The following COL12A1 variants were observed in gnomAD, a reference collection of about 807,000 sequenced individuals.
COL12A1 encodes the protein collagen type XII alpha 1 chain, also known as collagen alpha-1(XII) chain.
Under a neutral mutation model 349.7 loss-of-function variants are expected in COL12A1, and 114 were observed. The ratio of observed to expected loss-of-function variants is 0.33; its 90% CI spans 0.28 to 0.38. COL12A1 has a LOEUF of 0.38. Ranked by LOEUF, COL12A1 falls within the 10% of genes least tolerant of loss-of-function variation. The probability of loss-of-function intolerance (pLI) is 1.00; values close to 1 mark genes in which losing one functional copy is unlikely to be tolerated. For synonymous variants in COL12A1, 1,369 were observed against 1,329.0 expected (o/e 1.03, Z -0.66); for missense variants, 3,284 against 3,756.9 (o/e 0.87, Z 3.29).
chr6:75,092,827 G>A (rs150698151), intron 60 of COL12A1, among the ~76,000 whole-genome samples: 52 of 151,074 alleles, frequency 3.4e-4, no homozygotes, highest in African/African-American at 1.3e-3. Flanking sequence ...CTTATCATGG[G>A]CTACATGGTC....
Position 75,152,768 on chromosome 6 carries a change from G to C in COL12A1, c.3566-286C>G, listed in dbSNP as rs577566909. On this transcript the variant is annotated intron_variant, in intron 17 of 65. Transcript: ENST00000322507. ...CCTCTTTCATAGAACCTGGAGACTTGAATTAAGCCATTGTTGAAAATTTGA... is the reference window on the plus strand; with the variant it reads ...CCTCTTTCATAGAACCTGGAGACTTCAATTAAGCCATTGTTGAAAATTTGA... Among the ~76,000 whole-genome samples the C allele has an allele frequency of 2.6e-5, 4 of 152,204 alleles. No individual in the cohort carries two copies. In the South Asian group the frequency reaches 8.3e-4, roughly 32 times the overall value.
At chr6:75,192,433 G>A (rs916565082) in intron 3 of COL12A1, 78 bp from the exon 4 acceptor site, 12 of 1,305,166 alleles carry the variant, frequency 9.2e-6, no homozygotes, top group South Asian at 1.4e-5. Context: ...AATTCCCAGA[G>A]GTACTCAAAA....
At chr6:75,148,076 A>G (rs571360155) in intron 22 of COL12A1, among the ~76,000 whole-genome samples, 11 of 152,184 alleles carry the variant, frequency 7.2e-5, no homozygotes, top group African/African-American at 2.7e-4. Context: ...ACAAATTCAT[A>G]AATAAATCAA....
Position 75,145,473 on chromosome 6 carries a change from G to A in COL12A1, c.4561-18C>T, listed in dbSNP as rs748934261. The A allele has an allele frequency of 6.2e-7, 1 of 1,608,240 alleles. No individual in the cohort carries two copies. The highest frequency in any genetic ancestry group is 8.5e-7 in the Non-Finnish European group (1 of 1,176,498). On this transcript the variant is annotated intron_variant, in intron 24 of 65. Transcript: ENST00000322507. ...AAACGCACCTGCACATGGATATGTG[G>A]AGCAGAAATAAGATATTCAAATCAA...
intron 44 of COL12A1, 138 bp downstream of exon 44, chr6:75,121,164 A>C (rs766038162): frequency 1.4e-6 from 1 of 734,030 alleles, no homozygotes; most frequent in Non-Finnish European, 2.0e-6. Context: ...CCTCCCAAAA[A>C]TACATGAATA....
intron 25 of COL12A1, among the ~76,000 whole-genome samples, chr6:75,143,709 A>G (rs188110351): frequency 9.2e-5 from 14 of 152,334 alleles, no homozygotes; most frequent in African/African-American, 3.4e-4. Context: ...TTCATCATAA[A>G]TGTACAGCTC....
In COL12A1 at chr6:75,085,533, C is replaced by T. The variant is rs1767447855; in HGVS notation, c.*1014G>A. On this transcript the variant is annotated 3_prime_UTR_variant, in exon 66 of 66. Transcript: ENST00000322507. ...TATTTCCAGATAATTTGGTGATAAT[C>T]AAATAATGAAATGGCACTTTCTTAA... 1 of 291,666 alleles carries T rather than the reference C, an allele frequency of 3.4e-6. No homozygotes were observed. The highest frequency in any genetic ancestry group is 2.2e-5 in the African/African-American group (1 of 45,216). The allele number at this position is 291,666 out of a possible 1,614,324, so 18.1% of individuals were successfully genotyped here.
rs1290513007 is a variant in COL12A1 at position 75,091,207 on chromosome 6, T to C, written c.8752+116A>G. On this transcript the variant is annotated intron_variant, in intron 62 of 65. Transcript: ENST00000322507. ...ACTGACAATGTATAAGAACAAAAGC[T>C]TATCAAATGAAATGAAAGAGAAATC... 10 of 796,880 alleles carry C rather than the reference T, an allele frequency of 1.3e-5. No homozygotes were observed. The East Asian group carries it at 1.8e-4, about 15-fold the overall frequency. The allele number at this position is 796,880 out of a possible 1,614,324, so 49.4% of individuals were successfully genotyped here.
chr6:75,189,070 C>A (rs901646030), intron 7 of COL12A1, 147 bp downstream of exon 7: 3 of 844,204 alleles, frequency 3.6e-6, no homozygotes, highest in Admixed American at 6.6e-5. Flanking sequence ...TACTTAAAGA[C>A]AATTTAAGTC....
chr6:75,089,261 G>A, intron 63 of COL12A1, 87 bp from the exon 64 acceptor site: 1 of 980,682 alleles, frequency 1.0e-6, no homozygotes, highest in Non-Finnish European at 1.5e-6. Flanking sequence ...TTTGATTCAA[G>A]TAATTCATTT....
In COL12A1 at chr6:75,177,785, G is replaced by T; in HGVS notation, c.2315C>A (p.Pro772His). 6.2e-7 allele frequency: 1 copy of T among 1,613,990 alleles called. No individual in the cohort carries two copies. Among genetic ancestry groups the T allele is most frequent in the Non-Finnish European group, 8.5e-7 (1 of 1,180,004 alleles). ...GGESREVTTP[P>H]NQRRRTLENL... ...CTCCAGTGTTCTCCTCCTCTGATTGGGTGGGGTGGTAACTTCTCTGCTCTC... is the reference window on the plus strand; with the variant it reads ...CTCCAGTGTTCTCCTCCTCTGATTGTGTGGGGTGGTAACTTCTCTGCTCTC... The change falls in exon 12 of 66, where the codon CCC (proline) becomes CAC (histidine). Residue 772 changes from proline (P) to histidine (H), a missense_variant. Physicochemically the swap from Pro to His is moderately conservative, Grantham distance 77. Around this residue, in one of 2 missense-constraint regions of COL12A1, gnomAD observed 2,601 missense variants for 2,824.8 expected, o/e 0.92. Coordinates refer to ENST00000322507, the MANE Select transcript of COL12A1 (RefSeq NM_004370.6).
Position 75,197,349 on chromosome 6 carries a change from G to T in COL12A1, c.74-2402C>A, listed in dbSNP as rs1293003853. 4.4e-5 allele frequency among the ~76,000 whole-genome samples: 6 copies of T among 135,814 alleles called. No homozygotes were observed. In the East Asian group the frequency reaches 8.4e-4, roughly 19 times the overall value. The allele number at this position is 135,814 out of a possible 152,430, so 89.1% of individuals were successfully genotyped here. A position where few individuals can be genotyped will look rare whatever the true frequency, so the allele number is the denominator to read the frequency against. ...TTTTTTGAGACGGAGTTTCGCTCTT[G>T]TTGCCCAGGCTGGAGTGCAGTGGTA... On this transcript the variant is annotated intron_variant, in intron 2 of 65. Transcript: ENST00000322507.
chr6:75,089,044 C>T (rs1330917922), intron 64 of COL12A1, 62 bp downstream of exon 64: 37 of 1,176,302 alleles, frequency 3.1e-5, no homozygotes, highest in East Asian at 3.1e-4. Flanking sequence ...TGAATCTCTT[C>T]GGGATGGTGT....
intron 13 of COL12A1, among the ~76,000 whole-genome samples, chr6:75,170,111 C>T (rs537122386): frequency 6.6e-6 from 1 of 152,170 alleles, no homozygotes. Flanking sequence ...TGTTTCCTTA[C>T]CCCTTTTCCA....
Position 75,151,233 on chromosome 6 carries a change from T to G in COL12A1, c.4055A>C (p.Asp1352Ala). Residue 1352 changes from aspartate to alanine, a missense_variant, in exon 21 of 66, where the codon GAT (aspartate) becomes GCT (alanine). Asp to Ala is a moderately radical substitution (Grantham distance 126). Around this residue, in one of 2 missense-constraint regions of COL12A1, gnomAD observed 2,601 missense variants for 2,824.8 expected, o/e 0.92. Coordinates refer to ENST00000322507, the MANE Select transcript of COL12A1 (RefSeq NM_004370.6). ...ELKMIATDPD[D>A]THAYNVADFE... ...ATCTGCCACATTGTATGCATGGGTATCATCAGGATCAGTTGCAATCATCTT... is the reference window on the plus strand; with the variant it reads ...ATCTGCCACATTGTATGCATGGGTAGCATCAGGATCAGTTGCAATCATCTT... The G allele has an allele frequency of 1.9e-6, 3 of 1,613,378 alleles. No homozygotes were observed. The highest frequency in any genetic ancestry group is 2.5e-6 in the Non-Finnish European group (3 of 1,179,426).
intron 53 of COL12A1, 103 bp downstream of exon 53, chr6:75,106,316 C>T: frequency 1.0e-6 from 1 of 995,690 alleles, no homozygotes; most frequent in Admixed American, 2.0e-5. Flanking sequence ...TTAGCTCCAT[C>T]CTGAATATAC....
intron 38 of COL12A1, among the ~76,000 whole-genome samples, chr6:75,127,211 C>T (rs1766064221): frequency 6.6e-6 from 1 of 151,918 alleles, no homozygotes; most frequent in African/African-American, 2.4e-5. Context: ...CAGGAAAGTC[C>T]CAAAATATAG....
chr6:75,116,014 C>T lies in COL12A1; in HGVS notation c.7558+5G>A, dbSNP rs751310585. On this transcript the variant is annotated splice_donor_5th_base_variant and intron_variant, in intron 48 of 65. Transcript: ENST00000322507. ...ATTAATTTGCCCCAAAGTATAAATG[C>T]TTACCTGGTGAGGTGTAGCCATCCA... is the stretch of plus-strand genomic sequence containing the variant. 3.1e-6 allele frequency: 5 copies of T among 1,613,290 alleles called. No homozygotes were observed. Among genetic ancestry groups the T allele is most frequent in the Non-Finnish European group, 4.2e-6 (5 of 1,179,612 alleles).
At chr6:75,197,692 C>G (rs1213380536) in intron 2 of COL12A1, among the ~76,000 whole-genome samples, 1 of 152,006 alleles carries the variant, frequency 6.6e-6, no homozygotes, top group Non-Finnish European at 1.5e-5. Flanking sequence ...GAATCCAAAC[C>G]AAGAGAAACA....
Sources: allele counts gnomAD v4.1 joint callset (sites outside exome capture counted in the v4.1 genomes callset), GRCh38; gene constraint gnomAD v4.1.1; regional missense constraint gnomAD v4.1.1; transcripts MANE v1.5; gene names NCBI Gene and HGNC (gene_info 2026-07-23, HGNC 2026-07-21).